CNTNAP5: variants seen among roughly 807,000 people sequenced by gnomAD.
The protein encoded by CNTNAP5 is contactin associated protein family member 5, also known as contactin-associated protein-like 5.
In CNTNAP5, 72 loss-of-function variants were observed where a neutral mutation model predicts 150.2. That is an observed-to-expected ratio of 0.48 (90% CI 0.40 to 0.58). The LOEUF is 0.58. Ranked by LOEUF, CNTNAP5 falls within the 20% of genes least tolerant of loss-of-function variation. The pLI is 0.00. For missense variants in CNTNAP5, 1,636 were observed against 1,626.2 expected (o/e 1.01, Z -0.10); for synonymous variants, 672 against 619.8 (o/e 1.08, Z -1.25).
At chr2:124,638,886 C>T (rs1678028673) in intron 12 of CNTNAP5, among the ~76,000 whole-genome samples, 1 of 152,174 alleles carries the variant, frequency 6.6e-6, no homozygotes, top group Non-Finnish European at 1.5e-5. Flanking sequence ...TTGTACTTTA[C>T]TGTGTCAGTT....
intron 13 of CNTNAP5, among the ~76,000 whole-genome samples, chr2:124,701,857 ATTGAG>A (rs1401154814): frequency 6.6e-6 from 1 of 151,832 alleles, no homozygotes; most frequent in African/African-American, 2.4e-5. Flanking sequence ...CCATATTTTA[ATTGAG>A]TTATTTGTTT....
intron 1 of CNTNAP5, among the ~76,000 whole-genome samples, chr2:124,117,237 A>G (rs528345150): frequency 1.1e-3 from 173 of 152,230 alleles, no homozygotes; most frequent in Non-Finnish European, 2.1e-3. Flanking sequence ...CTTTATCTGA[A>G]TTTCACCTCT....
At chr2:124,060,339 T>C (rs188059828) in intron 1 of CNTNAP5, among the ~76,000 whole-genome samples, 2 of 152,314 alleles carry the variant, frequency 1.3e-5, no homozygotes, top group Admixed American at 1.3e-4. Flanking sequence ...CATATTAATT[T>C]GAAAAACAGC....
intron 1 of CNTNAP5, among the ~76,000 whole-genome samples, chr2:124,211,537 C>CACAT (rs1686011912): frequency 1.3e-5 from 2 of 152,038 alleles, no homozygotes; most frequent in South Asian, 2.1e-4. Flanking sequence ...CACACACACA[C>CACAT]ACACACATAA....
intron 17 of CNTNAP5, among the ~76,000 whole-genome samples, chr2:124,789,110 A>G (rs1033407754): frequency 1.3e-5 from 2 of 152,164 alleles, no homozygotes; most frequent in Non-Finnish European, 2.9e-5. Context: ...ACTCCACTGC[A>G]CTGCACTGTG....
intron 11 of CNTNAP5, among the ~76,000 whole-genome samples, chr2:124,583,361 A>G (rs956186678): frequency 1.6e-4 from 25 of 152,232 alleles, no homozygotes; most frequent in Non-Finnish European, 2.6e-4. Flanking sequence ...TATGCTACCA[A>G]TGTAAACTAA....
chr2:124,329,132 C>G (rs1029273695), intron 3 of CNTNAP5, among the ~76,000 whole-genome samples: 1 of 152,084 alleles, frequency 6.6e-6, no homozygotes, highest in Non-Finnish European at 1.5e-5. Context: ...GAACCAAAGA[C>G]AAGACAGTAG....
At chr2:124,326,448 T>C (rs1689219530) in intron 3 of CNTNAP5, among the ~76,000 whole-genome samples, 1 of 152,162 alleles carries the variant, frequency 6.6e-6, no homozygotes, top group East Asian at 1.9e-4. Context: ...CCCCCAACTA[T>C]GATTAAAAAG....
intron 1 of CNTNAP5, among the ~76,000 whole-genome samples, chr2:124,155,010 G>A (rs1041372638): frequency 2.7e-5 from 4 of 150,528 alleles, no homozygotes; most frequent in African/African-American, 9.8e-5. Flanking sequence ...AGATGGCCAT[G>A]CAAGCCTCTT....
At chr2:124,568,099 G>T (rs1339810144) in intron 11 of CNTNAP5, among the ~76,000 whole-genome samples, 4 of 152,138 alleles carry the variant, frequency 2.6e-5, no homozygotes, top group African/African-American at 9.7e-5. Context: ...CTTCAAACAA[G>T]CAAGGCATTT....
rs181627558 is a variant in CNTNAP5, at chr2:124,032,155, A to G, written c.82+6423A>G. Among the ~76,000 whole-genome samples, 7 of 152,310 alleles carry G rather than the reference A, an allele frequency of 4.6e-5. No individual in the cohort carries two copies. The East Asian group carries it at 1.4e-3, about 29-fold the overall frequency. ...GTGATAAATGCTATGATAAAGGTAA[A>G]CACGGCATGCACTTTAAGGCACAAA... is the stretch of plus-strand genomic sequence containing the variant. On this transcript the variant is annotated intron_variant, in intron 1 of 23. Transcript: ENST00000682447.
intron 11 of CNTNAP5, among the ~76,000 whole-genome samples, chr2:124,571,499 T>C (rs1696150883): frequency 6.7e-6 from 1 of 149,464 alleles, no homozygotes; most frequent in East Asian, 2.0e-4. Context: ...GTACATGGTA[T>C]CCCACTGAGT....
In CNTNAP5 at chr2:124,851,527, G is replaced by T. The variant is rs62173265; in HGVS notation, c.3218-13779G>T. On this transcript the variant is annotated intron_variant, in intron 19 of 23. Coordinates refer to ENST00000682447, the MANE Select transcript of CNTNAP5 (RefSeq NM_001367498.1). Reference sequence around the variant, plus strand: ...AGAAGGAAAGAATACGTTGGCATCAGATAAAAAATGAGGATAATTCATCTA... The same window carrying T: ...AGAAGGAAAGAATACGTTGGCATCATATAAAAAATGAGGATAATTCATCTA... 1.8e-3 allele frequency among the ~76,000 whole-genome samples: 278 copies of T among 152,284 alleles called. 2 individuals are homozygous for T. The highest frequency in any genetic ancestry group is 0.011 in the South Asian group (55 of 4,828).
chr2:124,294,597 A>C (rs1262434048), intron 3 of CNTNAP5, among the ~76,000 whole-genome samples: 2 of 152,220 alleles, frequency 1.3e-5, no homozygotes, highest in Non-Finnish European at 2.9e-5. Flanking sequence ...CCAGAACAGA[A>C]TAAGGATGAG....
chr2:124,428,161 C>T (rs980281879), intron 4 of CNTNAP5, among the ~76,000 whole-genome samples: 3 of 152,140 alleles, frequency 2.0e-5, no homozygotes, highest in African/African-American at 7.2e-5. Context: ...TCCACTCCCT[C>T]CTTCTATTCT....
chr2:124,663,529 GA>G (rs1369015239), intron 13 of CNTNAP5, among the ~76,000 whole-genome samples: 2 of 152,244 alleles, frequency 1.3e-5, no homozygotes, highest in East Asian at 3.9e-4. Flanking sequence ...TTAGAATTTA[GA>G]AAGGATAAAA....
chr2:124,308,703 T>C (rs1003717676), intron 3 of CNTNAP5, among the ~76,000 whole-genome samples: 8 of 152,316 alleles, frequency 5.3e-5, no homozygotes, highest in East Asian at 1.9e-4. Flanking sequence ...TGTTTTAATG[T>C]TTTTGCAATT....
At chr2:124,575,083 A>G (rs762142456) in intron 11 of CNTNAP5, among the ~76,000 whole-genome samples, 1 of 152,172 alleles carries the variant, frequency 6.6e-6, no homozygotes, top group Non-Finnish European at 1.5e-5. Context: ...TCCCACTGCA[A>G]CCTTGATGAG....
chr2:124,269,394 G>C (rs1285706708), intron 3 of CNTNAP5, among the ~76,000 whole-genome samples: 2 of 152,084 alleles, frequency 1.3e-5, no homozygotes, highest in Non-Finnish European at 2.9e-5. Context: ...TTGGGGTCTT[G>C]TTGAATTGAG....
Sources: allele counts gnomAD v4.1 joint callset (sites outside exome capture counted in the v4.1 genomes callset), GRCh38; gene constraint gnomAD v4.1.1; transcripts MANE v1.5; gene names NCBI Gene and HGNC (gene_info 2026-07-23, HGNC 2026-07-21).